NUDT9: variants seen among roughly 807,000 people sequenced by gnomAD.
The protein encoded by NUDT9 is ADP-ribose pyrophosphatase.
A neutral mutation model predicts 41.0 loss-of-function variants in NUDT9; 31 were observed. That is an observed-to-expected ratio of 0.76 (90% CI 0.57 to 1.02). The LOEUF is 1.02. Ranked by LOEUF, NUDT9 falls within the 50% of genes least tolerant of loss-of-function variation. The pLI is 0.00. For missense variants in NUDT9, 380 were observed against 431.4 expected (o/e 0.88, Z 1.06); for synonymous variants, 146 against 147.6 (o/e 0.99, Z 0.08).
chr4:87,438,965 A>G (rs1372788167), intron 3 of NUDT9, among the ~76,000 whole-genome samples: 1 of 151,922 alleles, frequency 6.6e-6, no homozygotes, highest in African/African-American at 2.4e-5. Context: ...TCAGGAGTTT[A>G]AGACCAGCCT....
At chr4:87,427,561 A>G (rs1721488959) in intron 1 of NUDT9, among the ~76,000 whole-genome samples, 1 of 152,220 alleles carries the variant, frequency 6.6e-6, no homozygotes, top group Admixed American at 6.5e-5. Flanking sequence ...TTTTTGCACA[A>G]TTAAATTTGT....
chr4:87,442,124 A>G (rs1052287616), intron 4 of NUDT9, among the ~76,000 whole-genome samples: 3 of 152,194 alleles, frequency 2.0e-5, no homozygotes, highest in Non-Finnish European at 4.4e-5. Context: ...TGTTGTGTGA[A>G]CATCATAGAG....
chr4:87,449,336 A>G (rs911817484), intron 5 of NUDT9, 83 bp downstream of exon 5: 9 of 771,456 alleles, frequency 1.2e-5, no homozygotes, highest in Non-Finnish European at 2.0e-5. Flanking sequence ...AATCTTTTCT[A>G]TTCCATTTTC....
chr4:87,423,073 A>G, intron 1 of NUDT9, 61 bp downstream of exon 1: 2 of 1,318,234 alleles, frequency 1.5e-6, no homozygotes, highest in Non-Finnish European at 1.1e-6. Flanking sequence ...GGTGGGAAGC[A>G]GCTTTTTTTT....
chr4:87,425,610 G>C (rs1560785660), intron 1 of NUDT9, among the ~76,000 whole-genome samples: 1 of 149,306 alleles, frequency 6.7e-6, no homozygotes, highest in Non-Finnish European at 1.5e-5. Context: ...GGCCAGGCTG[G>C]TTTCGAACTC....
In NUDT9 at chr4:87,457,873, C is replaced by G; in HGVS notation, c.905C>G (p.Ala302Gly). The G allele has an allele frequency of 6.2e-7, 1 of 1,611,346 alleles. No homozygotes were observed. Among genetic ancestry groups the G allele is most frequent in the Non-Finnish European group, 8.5e-7 (1 of 1,178,978 alleles). Residue 302 changes from alanine to glycine, a missense_variant, in exon 8 of 8, where the codon GCT becomes GGT. Transcript: ENST00000302174. ...GEIMDNLMLE[A>G]GDDAGKVKWV... ...ATAATGGATAATCTTATGCTAGAAG[C>G]TGGAGATGATGCTGGAAAAGTGAAA...
chr4:87,440,321 C>T (rs766242188), intron 3 of NUDT9, among the ~76,000 whole-genome samples: 18 of 152,268 alleles, frequency 1.2e-4, no homozygotes, highest in Admixed American at 3.3e-4. Context: ...AGATGGAATT[C>T]GAAATCCATC....
intron 7 of NUDT9, among the ~76,000 whole-genome samples, chr4:87,457,233 TA>T (rs1326129167): frequency 2.1e-5 from 3 of 144,388 alleles, no homozygotes; most frequent in Non-Finnish European, 3.0e-5. Context: ...TTTGATAATT[TA>T]AATTTTTTTT....
At chr4:87,437,599 C>T (rs1722009637) in intron 2 of NUDT9, among the ~76,000 whole-genome samples, 1 of 151,978 alleles carries the variant, frequency 6.6e-6, no homozygotes, top group South Asian at 2.1e-4. Flanking sequence ...ACCTTGGCCT[C>T]CCAAAGTGCT....
At chr4:87,450,509 G>C (rs1722665907) in intron 5 of NUDT9, among the ~76,000 whole-genome samples, 1 of 150,486 alleles carries the variant, frequency 6.6e-6, no homozygotes, top group South Asian at 2.1e-4. Flanking sequence ...CTCCCGAGTA[G>C]CTGGGATTAT....
chr4:87,452,631 GT>G (rs925653688), intron 6 of NUDT9, among the ~76,000 whole-genome samples: 14 of 150,418 alleles, frequency 9.3e-5, no homozygotes, highest in African/African-American at 3.4e-4. Flanking sequence ...TTTGTTTTTT[GT>G]TTTATAGAGA....
chr4:87,429,868 G>C (rs867333414), intron 1 of NUDT9, among the ~76,000 whole-genome samples: 4 of 151,808 alleles, frequency 2.6e-5, no homozygotes, highest in Non-Finnish European at 5.9e-5. Flanking sequence ...TTAAGAACCT[G>C]ATTATATGGC....
chr4:87,437,249 C>CAAAA (rs776722819), intron 2 of NUDT9, among the ~76,000 whole-genome samples: 26 of 54,574 alleles, frequency 4.8e-4, no homozygotes, highest in South Asian at 7.5e-4. Flanking sequence ...GACTCCATCT[C>CAAAA]AAAAAAAAAA....
At chr4:87,430,448 A>T (rs1407340187) in intron 1 of NUDT9, among the ~76,000 whole-genome samples, 1 of 152,190 alleles carries the variant, frequency 6.6e-6, no homozygotes, top group African/African-American at 2.4e-5. Context: ...GTGCTTATTT[A>T]TTTTTTATGT....
chr4:87,443,653 G>A (rs533483661), intron 4 of NUDT9, among the ~76,000 whole-genome samples: 59 of 152,262 alleles, frequency 3.9e-4, no homozygotes, highest in East Asian at 3.3e-3. Flanking sequence ...TGGTAAACTA[G>A]TGCACCCAAG....
At chr4:87,448,195 A>G (rs1208196561) in intron 4 of NUDT9, among the ~76,000 whole-genome samples, 1 of 119,008 alleles carries the variant, frequency 8.4e-6, no homozygotes, top group South Asian at 2.8e-4. Context: ...TCCAGGCTGG[A>G]GTGTAATGGC....
Position 87,422,823 on chromosome 4 carries a change from G to A in NUDT9, c.-83G>A. 2 of 1,037,804 alleles carry A rather than the reference G, an allele frequency of 1.9e-6. No homozygotes were observed. The highest frequency in any genetic ancestry group is 1.4e-5 in the South Asian group (1 of 70,844). The allele number at this position is 1,037,804 out of a possible 1,614,324, so 64.3% of individuals were successfully genotyped here. On this transcript the variant is annotated 5_prime_UTR_variant, in exon 1 of 8. Coordinates refer to ENST00000302174, the MANE Select transcript of NUDT9 (RefSeq NM_024047.5). ...TAGTGCCCATCAGATACCCGCGGCC[G>A]GGACTCGGAGCTGTGGGGTGTGGGG... is the stretch of plus-strand genomic sequence containing the variant.
intron 4 of NUDT9, among the ~76,000 whole-genome samples, chr4:87,442,759 G>T (rs1553964786): frequency 6.6e-6 from 1 of 151,966 alleles, no homozygotes; most frequent in Non-Finnish European, 1.5e-5. Flanking sequence ...TTAGCCTATG[G>T]CTATACAAGG....
chr4:87,455,986 A>G (rs184170050), intron 7 of NUDT9, among the ~76,000 whole-genome samples: 4 of 152,214 alleles, frequency 2.6e-5, no homozygotes, highest in South Asian at 2.1e-4. Flanking sequence ...AAAATTGACC[A>G]TGATATAACT....
Sources: gnomAD v4.1 joint callset for allele counts (sites outside exome capture counted in the v4.1 genomes callset) on GRCh38, gnomAD v4.1.1 for gene constraint, MANE v1.5 for transcripts, NCBI Gene and HGNC (gene_info 2026-07-23, HGNC 2026-07-21) for gene names.